Variants in UBASH3B observed in about 807,000 individuals in gnomAD.
The protein encoded by UBASH3B is ubiquitin associated and SH3 domain containing B.
Under a neutral mutation model 83.4 loss-of-function variants are expected in UBASH3B, and 37 were observed. The observed-to-expected ratio is 0.44, with a 90% CI of 0.34 to 0.58. UBASH3B has a LOEUF of 0.58. Among genes scored for constraint, UBASH3B ranks in the 20% least tolerant of loss-of-function variants. The probability of loss-of-function intolerance (pLI) is 0.01; values close to 1 mark genes in which losing one functional copy is unlikely to be tolerated. For synonymous variants in UBASH3B, 304 were observed against 318.3 expected (o/e 0.96, Z 0.48); for missense variants, 657 against 827.2 (o/e 0.79, Z 2.52).
chr11:122,787,897 A>C (rs560674113), intron 5 of UBASH3B, among the ~76,000 whole-genome samples: 1 of 152,366 alleles, frequency 6.6e-6, no homozygotes, highest in East Asian at 1.9e-4. Context: ...AAGCTGTTAA[A>C]GCTTTCTCCG....
intron 1 of UBASH3B, among the ~76,000 whole-genome samples, chr11:122,662,431 T>C (rs989748925): frequency 4.7e-5 from 7 of 148,620 alleles, no homozygotes; most frequent in African/African-American, 9.8e-5. Context: ...TCTTTTCTTT[T>C]CTTTTTTTTT....
intron 1 of UBASH3B, among the ~76,000 whole-genome samples, chr11:122,703,358 CGGA>C (rs1565534905): frequency 6.6e-6 from 1 of 151,600 alleles, no homozygotes; most frequent in East Asian, 1.9e-4. Context: ...ACCCAGGAGG[CGGA>C]GGTTGCAGTG....
intron 11 of UBASH3B, among the ~76,000 whole-genome samples, chr11:122,805,734 G>A (rs1324862551): frequency 6.6e-6 from 1 of 152,124 alleles, no homozygotes; most frequent in Non-Finnish European, 1.5e-5. Flanking sequence ...TTGGGTGGGG[G>A]GCACAGCCAG....
chr11:122,670,753 T>C (rs186052426), intron 1 of UBASH3B, among the ~76,000 whole-genome samples: 2 of 152,190 alleles, frequency 1.3e-5, no homozygotes, highest in Non-Finnish European at 1.5e-5. Context: ...TAGGGAATAA[T>C]TTATTATTTA....
At chr11:122,672,676 T>A (rs1164291342) in intron 1 of UBASH3B, among the ~76,000 whole-genome samples, 1 of 152,110 alleles carries the variant, frequency 6.6e-6, no homozygotes, top group Admixed American at 6.6e-5. Flanking sequence ...CAGGGTCAGA[T>A]TTCAGTTCAC....
At chr11:122,787,195 T>C (rs1217576374) in intron 5 of UBASH3B, among the ~76,000 whole-genome samples, 1 of 152,236 alleles carries the variant, frequency 6.6e-6, no homozygotes, top group Non-Finnish European at 1.5e-5. Context: ...AGAATGTTCC[T>C]TTTCATGGGA....
chr11:122,709,895 G>A (rs1252797362), intron 1 of UBASH3B, among the ~76,000 whole-genome samples: 3 of 152,094 alleles, frequency 2.0e-5, no homozygotes, highest in Non-Finnish European at 2.9e-5. Context: ...TGTGGGTCGC[G>A]CCTGTAATCC....
At chr11:122,700,146 C>A (rs147331736) in intron 1 of UBASH3B, among the ~76,000 whole-genome samples, 206 of 152,260 alleles carry the variant, frequency 1.4e-3, no homozygotes, top group Non-Finnish European at 2.5e-3. Context: ...AACCATCATT[C>A]CCCCGGGAGC....
intron 8 of UBASH3B, 106 bp downstream of exon 8, chr11:122,796,382 C>A (rs2135174145): frequency 6.6e-7 from 1 of 1,505,084 alleles, no homozygotes; most frequent in South Asian, 1.3e-5. Context: ...GTTTTGCGTA[C>A]TATAGAAGAT....
Position 122,806,299 on chromosome 11 carries a change from A to G in UBASH3B, c.1596-111A>G, listed in dbSNP as rs1296748359. The stretch of plus-strand genomic sequence containing the variant: ...CCTTTCTAGGGAAATGGATAAACAA[A>G]CAGATCTACGGGATCTTTAGAAATG... On this transcript the variant is annotated intron_variant, in intron 11 of 13. Coordinates refer to ENST00000284273, the MANE Select transcript of UBASH3B (RefSeq NM_032873.5). This position sits in a 1 kb window ranked among gnomAD's most constrained non-coding sequence, Gnocchi z 4.0. The G allele has an allele frequency of 1.1e-6, 1 of 903,352 alleles. No homozygotes were observed. Among genetic ancestry groups the G allele is most frequent in the Non-Finnish European group, 1.7e-6 (1 of 590,960 alleles). The allele number at this position is 903,352 out of a possible 1,614,324, so 56.0% of individuals were successfully genotyped here. A position where few individuals can be genotyped will look rare whatever the true frequency, so the allele number is the denominator to read the frequency against.
At position 122,771,232 on chromosome 11, in the gene UBASH3B, CTT is replaced by C. The variant is rs35821226; in HGVS notation, c.162-4973_162-4972del. On this transcript the variant is annotated intron_variant, in intron 1 of 13. Transcript: ENST00000284273. Reference sequence around the variant, plus strand: ...CTTTCTCTAGTCAGCTCTTACTTTGCTTTTTTTTTTTTTTTCTGAGATGGAGT... The same window carrying C: ...CTTTCTCTAGTCAGCTCTTACTTTGCTTTTTTTTTTTTTCTGAGATGGAGT... Among the ~76,000 whole-genome samples the C allele has an allele frequency of 7.9e-3, 1,075 of 135,546 alleles. 2 individuals are homozygous for C. Among genetic ancestry groups the C allele is most frequent in the East Asian group, 0.018 (84 of 4,744 alleles). The allele number at this position is 135,546 out of a possible 152,430, so 88.9% of individuals were successfully genotyped here. A position where few individuals can be genotyped will look rare whatever the true frequency, so the allele number is the denominator to read the frequency against.
intron 1 of UBASH3B, among the ~76,000 whole-genome samples, chr11:122,663,674 G>A (rs1274050990): frequency 6.6e-6 from 1 of 152,182 alleles, no homozygotes; most frequent in African/African-American, 2.4e-5. Context: ...CTGTGTAAGG[G>A]TATCTCCTTT....
At chr11:122,690,549 C>T (rs1180685108) in intron 1 of UBASH3B, among the ~76,000 whole-genome samples, 1 of 151,948 alleles carries the variant, frequency 6.6e-6, no homozygotes, top group Admixed American at 6.6e-5. Context: ...ATCTCAGCGG[C>T]CTCAAAGATG....
intron 1 of UBASH3B, among the ~76,000 whole-genome samples, chr11:122,678,243 T>C (rs1863692597): frequency 6.6e-6 from 1 of 152,200 alleles, no homozygotes. Context: ...ATCAGTGACC[T>C]GGAGAGAATA....
At chr11:122,770,582 AG>A (rs1417735387) in intron 1 of UBASH3B, among the ~76,000 whole-genome samples, 17 of 152,170 alleles carry the variant, frequency 1.1e-4, no homozygotes, top group Non-Finnish European at 2.4e-4. Context: ...CAAAGAGACA[AG>A]AAAGTGCAGT....
intron 1 of UBASH3B, among the ~76,000 whole-genome samples, chr11:122,754,438 G>A (rs1861251718): frequency 6.6e-6 from 1 of 152,232 alleles, no homozygotes. Flanking sequence ...AGGACATCTG[G>A]ATGGTCAGTC....
chr11:122,715,175 G>A (rs1472197376), intron 1 of UBASH3B, among the ~76,000 whole-genome samples: 1 of 152,140 alleles, frequency 6.6e-6, no homozygotes, highest in African/African-American at 2.4e-5. Flanking sequence ...TCGATCTCCT[G>A]ACCTCGTGAT....
At chr11:122,797,150 C>T (rs1861171079) in intron 9 of UBASH3B, 117 bp downstream of exon 9, 1 of 1,404,618 alleles carries the variant, frequency 7.1e-7, no homozygotes. Flanking sequence ...TACAAGTTTC[C>T]TCAATTCAAA....
Position 122,799,536 on chromosome 11 carries a change from T to C in UBASH3B, c.1450+502T>C, listed in dbSNP as rs182631837. 3.4e-3 allele frequency among the ~76,000 whole-genome samples: 519 copies of C among 151,526 alleles called. 3 individuals carry two copies. The highest frequency in any genetic ancestry group is 0.012 in the African/African-American group (490 of 41,318). On this transcript the variant is annotated intron_variant, in intron 10 of 13. Coordinates refer to ENST00000284273, the MANE Select transcript of UBASH3B (RefSeq NM_032873.5). ...GCAGCCTAAGCAAAATAAAAGGAAG[T>C]ATACTAATGTTTTCCTTGAGAATTT... is the stretch of plus-strand genomic sequence containing the variant.
Sources: allele counts gnomAD v4.1 joint callset (sites outside exome capture counted in the v4.1 genomes callset), GRCh38; gene constraint gnomAD v4.1.1; non-coding constraint Gnocchi (gnomAD v3.1); transcripts MANE v1.5; gene names NCBI Gene and HGNC (gene_info 2026-07-23, HGNC 2026-07-21).